Variants in ABLIM2 observed in about 807,000 individuals in gnomAD.
The protein encoded by ABLIM2 is actin-binding LIM protein 2.
A neutral mutation model predicts 97.7 loss-of-function variants in ABLIM2; 53 were observed. That is an observed-to-expected ratio of 0.54 (90% CI 0.44 to 0.68). ABLIM2 has a LOEUF of 0.68. ABLIM2 is among the 30% of genes least tolerant of loss of function. ABLIM2 has a pLI of 0.00. For missense variants in ABLIM2, 835 were observed against 867.2 expected (o/e 0.96, Z 0.47); for synonymous variants, 361 against 345.8 (o/e 1.04, Z -0.49).
chr4:7,995,158 T>A lies in ABLIM2; in HGVS notation c.1619-2231A>T, dbSNP rs1253823349. ...CTCACACCAGTTAGAATGGCAATCATTAAAAAGTCAGGGAAGCATTCTTAA... is the reference window on the plus strand; with the variant it reads ...CTCACACCAGTTAGAATGGCAATCAATAAAAAGTCAGGGAAGCATTCTTAA... On this transcript the variant is annotated intron_variant, in intron 16 of 20. Transcript: ENST00000447017. Among the ~76,000 whole-genome samples, 2 of 56,256 alleles carry A rather than the reference T, an allele frequency of 3.6e-5. 1 individual carries two copies. The highest frequency in any genetic ancestry group is 1.2e-4 in the Non-Finnish European group (2 of 16,334). The allele number at this position is 56,256 out of a possible 152,430, so 36.9% of individuals were successfully genotyped here. A position where few individuals can be genotyped will look rare whatever the true frequency, so the allele number is the denominator to read the frequency against.
At chr4:7,985,757 T>G (rs1359895880) in intron 17 of ABLIM2, among the ~76,000 whole-genome samples, 3 of 152,202 alleles carry the variant, frequency 2.0e-5, no homozygotes, top group Non-Finnish European at 1.5e-5. Flanking sequence ...CTCCTGCACC[T>G]GTCTCAGGTG....
At chr4:8,041,717 A>C (rs2151633549) in intron 9 of ABLIM2, among the ~76,000 whole-genome samples, 1 of 152,266 alleles carries the variant, frequency 6.6e-6, no homozygotes, top group South Asian at 2.1e-4. Context: ...CCTGGCTAAC[A>C]CGGTGAAACC....
intron 6 of ABLIM2, among the ~76,000 whole-genome samples, chr4:8,063,861 G>A (rs1162374573): frequency 6.6e-6 from 1 of 152,134 alleles, no homozygotes; most frequent in African/African-American, 2.4e-5. Flanking sequence ...GTCTGAATAA[G>A]CCTAGGCATG....
intron 1 of ABLIM2, among the ~76,000 whole-genome samples, chr4:8,126,935 C>A (rs373097400): frequency 6.6e-6 from 1 of 151,964 alleles, no homozygotes. Context: ...GGTCTGGTGG[C>A]GTGCACCTTA....
At chr4:8,047,039 G>A (rs937355641) in intron 8 of ABLIM2, among the ~76,000 whole-genome samples, 2 of 152,198 alleles carry the variant, frequency 1.3e-5, no homozygotes, top group African/African-American at 4.8e-5. Flanking sequence ...GCTGGGCATC[G>A]TGCAGCGGCT....
At chr4:8,035,149 C>A (rs943333930) in intron 10 of ABLIM2, among the ~76,000 whole-genome samples, 19 of 151,972 alleles carry the variant, frequency 1.3e-4, no homozygotes, top group Middle Eastern at 3.4e-3. Flanking sequence ...CAGCTCCCCC[C>A]ACTGGTCCCT....
At chr4:8,116,787 A>G (rs886132334) in intron 1 of ABLIM2, among the ~76,000 whole-genome samples, 2 of 150,904 alleles carry the variant, frequency 1.3e-5, no homozygotes, top group Admixed American at 6.7e-5. Flanking sequence ...CACAGATCAC[A>G]GCAGCTTCCC....
intron 1 of ABLIM2, among the ~76,000 whole-genome samples, chr4:8,152,283 G>A (rs1032370147): frequency 6.6e-6 from 1 of 152,246 alleles, no homozygotes; most frequent in Non-Finnish European, 1.5e-5. Flanking sequence ...TGTTGCGGCT[G>A]AGTCGGGCAC....
intron 9 of ABLIM2, among the ~76,000 whole-genome samples, chr4:8,037,694 C>A (rs548342734): frequency 4.7e-4 from 71 of 152,356 alleles, no homozygotes; most frequent in African/African-American, 1.5e-3. Context: ...CATGCCCACA[C>A]GCACTCACAC....
At chr4:8,145,174 T>C (rs905523482) in intron 1 of ABLIM2, among the ~76,000 whole-genome samples, 32 of 150,264 alleles carry the variant, frequency 2.1e-4, no homozygotes, top group African/African-American at 7.2e-4. Flanking sequence ...GCTCTGTAAA[T>C]GGCAGGTATT....
intron 4 of ABLIM2, among the ~76,000 whole-genome samples, chr4:8,084,577 AC>A (rs1283014666): frequency 1.3e-5 from 2 of 151,992 alleles, no homozygotes; most frequent in Non-Finnish European, 2.9e-5. Flanking sequence ...TGGGCCTGGG[AC>A]CTTAGAACTG....
chr4:8,013,660 C>T (rs1432618057), intron 14 of ABLIM2, among the ~76,000 whole-genome samples: 2 of 152,220 alleles, frequency 1.3e-5, no homozygotes, highest in African/African-American at 4.8e-5. Flanking sequence ...GACCCTGAAG[C>T]CAGAGCTGGA....
intron 14 of ABLIM2, among the ~76,000 whole-genome samples, chr4:8,013,962 G>A (rs1372361120): frequency 6.6e-6 from 1 of 152,202 alleles, no homozygotes. Flanking sequence ...TCAACACACC[G>A]ACAGCTCTAA....
chr4:8,091,314 T>C (rs1827379369), intron 3 of ABLIM2, among the ~76,000 whole-genome samples: 1 of 30,838 alleles, frequency 3.2e-5, no homozygotes, highest in Non-Finnish European at 5.4e-5. Context: ...ATTATATATA[T>C]ATAATTATAT....
intron 11 of ABLIM2, 49 bp from the exon 12 acceptor site, chr4:8,027,906 C>G: frequency 7.7e-7 from 1 of 1,298,318 alleles, no homozygotes; most frequent in Non-Finnish European, 1.1e-6. Context: ...CTGGCTGGTG[C>G]AACGCCACAC....
chr4:8,117,100 G>A (rs939067316), intron 1 of ABLIM2, among the ~76,000 whole-genome samples: 15 of 152,206 alleles, frequency 9.9e-5, no homozygotes, highest in African/African-American at 3.1e-4. Flanking sequence ...GGCACTTGCC[G>A]TTTTGATCCA....
At chr4:8,091,545 A>AT (rs368198599) in intron 3 of ABLIM2, among the ~76,000 whole-genome samples, 22,740 of 46,764 alleles carry the variant, frequency 0.49, 7,095 homozygotes, top group Middle Eastern at 0.61. Flanking sequence ...ATTATATATA[A>AT]TATTTATAAT....
intron 14 of ABLIM2, among the ~76,000 whole-genome samples, chr4:8,016,919 T>C (rs756490021): frequency 1.2e-4 from 18 of 152,242 alleles, no homozygotes; most frequent in Non-Finnish European, 1.8e-4. Flanking sequence ...TTCGGGTGCA[T>C]ATATGGCTTG....
chr4:8,100,768 A>G (rs1379730922), intron 2 of ABLIM2, among the ~76,000 whole-genome samples: 23 of 151,948 alleles, frequency 1.5e-4, no homozygotes, highest in African/African-American at 3.9e-4. Flanking sequence ...AAAAAAAAAA[A>G]AAAAGAAATC....
Sources: allele counts gnomAD v4.1 joint callset (sites outside exome capture counted in the v4.1 genomes callset), GRCh38; gene constraint gnomAD v4.1.1; transcripts MANE v1.5; gene names NCBI Gene and HGNC (gene_info 2026-07-23, HGNC 2026-07-21).